FBP1: variants seen among roughly 807,000 people sequenced by gnomAD.
FBP1 encodes the protein fructose-bisphosphatase 1, also known as fructose-1,6-bisphosphatase 1.
Under a neutral mutation model 29.9 loss-of-function variants are expected in FBP1, and 22 were observed. The ratio of observed to expected loss-of-function variants is 0.74; its 90% CI spans 0.53 to 1.05. The LOEUF is 1.05. Ranked by LOEUF, FBP1 falls within the 50% of genes least tolerant of loss-of-function variation. The pLI is 0.00. For synonymous variants in FBP1, 175 were observed against 178.6 expected (o/e 0.98, Z 0.16); for missense variants, 345 against 448.2 (o/e 0.77, Z 2.08).
At chr9:94,627,054 G>A (rs1828035779) in intron 1 of FBP1, among the ~76,000 whole-genome samples, 1 of 152,134 alleles carries the variant, frequency 6.6e-6, no homozygotes, top group South Asian at 2.1e-4. Flanking sequence ...TGGGTATGGT[G>A]GCATGTGCCT....
At chr9:94,616,825 G>A (rs752929331) in intron 3 of FBP1, among the ~76,000 whole-genome samples, 2 of 152,050 alleles carry the variant, frequency 1.3e-5, no homozygotes, top group Non-Finnish European at 2.9e-5. Flanking sequence ...GGGTGGATGG[G>A]TTTTCATTCT....
At chr9:94,613,465 C>G (rs1827814405) in intron 3 of FBP1, among the ~76,000 whole-genome samples, 1 of 152,186 alleles carries the variant, frequency 6.6e-6, no homozygotes. Flanking sequence ...CAGGATGTCT[C>G]CAGCCAGACA....
In FBP1 at chr9:94,615,520, T is replaced by TC. The variant is rs1827849622; in HGVS notation, c.426+2247_426+2248insG. 2.6e-5 allele frequency among the ~76,000 whole-genome samples: 4 copies of TC among 152,326 alleles called. No individual in the cohort carries two copies. The South Asian group carries it at 8.3e-4, about 32-fold the overall frequency. On this transcript the variant is annotated intron_variant, in intron 3 of 6. Coordinates refer to ENST00000375326, the MANE Select transcript of FBP1 (RefSeq NM_000507.4). ...AACCTCTCCTGCTATTCTGTGGATT[T>TC]GATATTTTGCAAGGAAAATTGCATT...
chr9:94,610,242 C>A (rs1326367952), intron 3 of FBP1, among the ~76,000 whole-genome samples, 181 bp from the exon 4 acceptor site: 1 of 152,218 alleles, frequency 6.6e-6, no homozygotes, highest in Non-Finnish European at 1.5e-5. Flanking sequence ...AGCCTTCCCA[C>A]CAGAACCCAG....
chr9:94,614,326 G>C (rs970634822), intron 3 of FBP1, among the ~76,000 whole-genome samples: 9 of 151,444 alleles, frequency 5.9e-5, no homozygotes, highest in African/African-American at 2.2e-4. Flanking sequence ...GGATCACGAG[G>C]TCAGGAGATC....
At chr9:94,605,339 C>T in intron 6 of FBP1, 118 bp downstream of exon 6, 1 of 1,009,608 alleles carries the variant, frequency 9.9e-7, no homozygotes, top group Admixed American at 2.2e-5. Flanking sequence ...GCTACAGACA[C>T]ACGTAGCAAC....
At chr9:94,627,555 C>A (rs1217249221) in intron 1 of FBP1, among the ~76,000 whole-genome samples, 1 of 152,176 alleles carries the variant, frequency 6.6e-6, no homozygotes, top group East Asian at 1.9e-4. Flanking sequence ...CTAGCGAATG[C>A]AGCGGCTGCC....
intron 3 of FBP1, among the ~76,000 whole-genome samples, chr9:94,611,080 G>T (rs1294459765): frequency 2.0e-5 from 3 of 151,900 alleles, no homozygotes; most frequent in Non-Finnish European, 4.4e-5. Flanking sequence ...AGCCAGGATG[G>T]TCTCTATTTC....
rs1828251648 is a variant in FBP1, at chr9:94,639,427, G to A, written c.-117C>T. On this transcript the variant is annotated 5_prime_UTR_variant, in exon 1 of 7. Coordinates refer to ENST00000375326, the MANE Select transcript of FBP1 (RefSeq NM_000507.4). ...CGCAGGTGCGGAGCTGCAGGTGCGG[G>A]CGGCAGGTGCGGGCCGCGGGACCTG... 8.3e-7 allele frequency: 1 copy of A among 1,198,258 alleles called. No individual in the cohort carries two copies. Among genetic ancestry groups the A allele is most frequent in the Middle Eastern group, 2.7e-4 (1 of 3,672 alleles). The allele number at this position is 1,198,258 out of a possible 1,614,324, so 74.2% of individuals were successfully genotyped here. A position where few individuals can be genotyped will look rare whatever the true frequency, so the allele number is the denominator to read the frequency against.
chr9:94,633,249 A>G (rs945850880), intron 1 of FBP1, among the ~76,000 whole-genome samples: 1 of 152,010 alleles, frequency 6.6e-6, no homozygotes, highest in Admixed American at 6.6e-5. Flanking sequence ...CTCCCCTCCA[A>G]GGCTGCAGCT....
At position 94,612,677 on chromosome 9, in the gene FBP1, C is replaced by A. The variant is rs190317257; in HGVS notation, c.427-2616G>T. ...GTTCAAGTGATTCTCCTGCCTCAGCCTCCCAAGTAGCTGGGATTACAGGCG... is the reference window on the plus strand; with the variant it reads ...GTTCAAGTGATTCTCCTGCCTCAGCATCCCAAGTAGCTGGGATTACAGGCG... On this transcript the variant is annotated intron_variant, in intron 3 of 6. Transcript: ENST00000375326. 1.4e-4 allele frequency among the ~76,000 whole-genome samples: 22 copies of A among 151,982 alleles called. No individual in the cohort carries two copies. In the East Asian group the frequency reaches 4.3e-3, roughly 29 times the overall value.
intron 1 of FBP1, among the ~76,000 whole-genome samples, chr9:94,625,397 G>C (rs971636323): frequency 3.9e-5 from 6 of 152,152 alleles, no homozygotes; most frequent in African/African-American, 1.4e-4. Flanking sequence ...CTCAGCACCT[G>C]CATGGACAGG....
chr9:94,606,520 T>C (rs1827702761), intron 5 of FBP1, among the ~76,000 whole-genome samples: 1 of 152,254 alleles, frequency 6.6e-6, no homozygotes, highest in Non-Finnish European at 1.5e-5. Flanking sequence ...AAGGCTGACA[T>C]GGAGACTGAT....
chr9:94,615,333 G>C (rs1346044853), intron 3 of FBP1, among the ~76,000 whole-genome samples: 2 of 150,538 alleles, frequency 1.3e-5, no homozygotes, highest in Non-Finnish European at 1.5e-5. Flanking sequence ...TTTTTTTTTA[G>C]TTGATAGCCA....
chr9:94,618,316 T>G (rs1827892972), intron 2 of FBP1, among the ~76,000 whole-genome samples: 1 of 151,648 alleles, frequency 6.6e-6, no homozygotes, highest in Non-Finnish European at 1.5e-5. Context: ...GAGGTTGGGG[T>G]GCATAGAGTT....
chr9:94,621,740 A>G (rs2131491313), intron 1 of FBP1, among the ~76,000 whole-genome samples: 1 of 152,284 alleles, frequency 6.6e-6, no homozygotes, highest in Non-Finnish European at 1.5e-5. Context: ...CCCAGAAAGA[A>G]CCAGTGTTGG....
At chr9:94,626,318 G>T (rs183709634) in intron 1 of FBP1, among the ~76,000 whole-genome samples, 1 of 152,332 alleles carries the variant, frequency 6.6e-6, no homozygotes, top group Admixed American at 6.5e-5. Flanking sequence ...ACAGGAAAAG[G>T]ATCCTAAGGT....
intron 3 of FBP1, among the ~76,000 whole-genome samples, chr9:94,613,100 T>A (rs1031076497): frequency 6.6e-6 from 1 of 152,182 alleles, no homozygotes; most frequent in African/African-American, 2.4e-5. Context: ...GAGGAGAGAC[T>A]GTCACGTCCA....
chr9:94,609,718 A>G (rs1827753589), intron 4 of FBP1, among the ~76,000 whole-genome samples: 1 of 152,084 alleles, frequency 6.6e-6, no homozygotes, highest in Non-Finnish European at 1.5e-5. Flanking sequence ...CCAGTCTGAG[A>G]TGGCATTTCT....
Sources: gnomAD v4.1 joint callset for allele counts (sites outside exome capture counted in the v4.1 genomes callset) on GRCh38, gnomAD v4.1.1 for gene constraint, MANE v1.5 for transcripts, NCBI Gene and HGNC (gene_info 2026-07-23, HGNC 2026-07-21) for gene names.